Variants in P2RX4 observed in about 807,000 individuals in gnomAD.
P2RX4 encodes P2X purinoceptor 4.
P2RX4 carries 37 observed loss-of-function variants against 48.0 expected under a neutral mutation model. That is an observed-to-expected ratio of 0.77 (90% CI 0.59 to 1.01). The LOEUF (loss-of-function observed/expected upper bound fraction) is 1.01. Ranked by LOEUF, P2RX4 falls within the 50% of genes least tolerant of loss-of-function variation. P2RX4 has a pLI of 0.00. For synonymous variants in P2RX4, 200 were observed against 199.7 expected (o/e 1.00, Z -0.01); for missense variants, 501 against 521.4 (o/e 0.96, Z 0.38).
intron 5 of P2RX4, chr12:121,223,375 CAGA>C (rs757425682): frequency 2.9e-5 from 10 of 346,134 alleles, no homozygotes; most frequent in Middle Eastern, 9.8e-4. Context: ...CACACCCAGC[CAGA>C]AGCCACCACA....
chr12:121,219,484 A>G (rs1353396575), intron 2 of P2RX4, among the ~76,000 whole-genome samples: 1 of 152,064 alleles, frequency 6.6e-6, no homozygotes, highest in Non-Finnish European at 1.5e-5. Context: ...TAGTCCCAGC[A>G]CTTTTGGAGG....
At chr12:121,226,007 G>T (rs954926364) in intron 5 of P2RX4, among the ~76,000 whole-genome samples, 1 of 151,906 alleles carries the variant, frequency 6.6e-6, no homozygotes, top group Non-Finnish European at 1.5e-5. Flanking sequence ...CTCCTGTGTA[G>T]CTGGGACCAC....
At chr12:121,217,315 GAC>G in intron 2 of P2RX4, 34 bp downstream of exon 2, 1 of 1,604,668 alleles carries the variant, frequency 6.2e-7, no homozygotes, top group South Asian at 1.1e-5. Flanking sequence ...GTCTAACACT[GAC>G]ACCTTGCTCT....
At position 121,218,499 on chromosome 12, in the gene P2RX4, T is replaced by G. The variant is rs1006702529; in HGVS notation, c.282+1218T>G. On this transcript the variant is annotated intron_variant, in intron 2 of 11. Coordinates refer to ENST00000337233, the MANE Select transcript of P2RX4 (RefSeq NM_002560.3). ...CTCCGTCTCAAAAAAAAAGATCAAG[T>G]GGAACAGGGGATTTGCAGTTGGCTG... Among the ~76,000 whole-genome samples the G allele has an allele frequency of 3.3e-5, 5 of 151,676 alleles. No individual in the cohort carries two copies. The East Asian group carries it at 7.8e-4, about 24-fold the overall frequency.
intron 1 of P2RX4, among the ~76,000 whole-genome samples, chr12:121,212,486 A>T: frequency 7.1e-6 from 1 of 141,096 alleles, no homozygotes; most frequent in East Asian, 2.1e-4. Context: ...TGCAAAAAAA[A>T]GAATTTTTTT....
chr12:121,212,585 C>T (rs1175772353), intron 1 of P2RX4, among the ~76,000 whole-genome samples: 9 of 146,592 alleles, frequency 6.1e-5, no homozygotes, highest in Non-Finnish European at 1.0e-4. Context: ...GTCAGGAGTT[C>T]GAGACCAGCC....
intron 1 of P2RX4, chr12:121,212,794 ATATATATAT>A: frequency 2.0e-5 from 1 of 50,830 alleles, no homozygotes; most frequent in African/African-American, 8.2e-5. Flanking sequence ...CATCTCAAAT[ATATATATAT>A]ATATATATAT....
At chr12:121,226,361 T>C (rs766185503) in intron 5 of P2RX4, among the ~76,000 whole-genome samples, 16 of 151,770 alleles carry the variant, frequency 1.1e-4, no homozygotes, top group Non-Finnish European at 2.4e-4. Context: ...CTGGCCAACA[T>C]GGTGAAACCC....
chr12:121,226,276 G>A (rs1886970392), intron 5 of P2RX4, among the ~76,000 whole-genome samples: 1 of 152,106 alleles, frequency 6.6e-6, no homozygotes, highest in Non-Finnish European at 1.5e-5. Flanking sequence ...AGGCACAGTG[G>A]CTCATGCCTA....
chr12:121,228,927 G>A (rs1036804619), intron 7 of P2RX4, 36 bp from the exon 8 acceptor site: 2 of 1,614,054 alleles, frequency 1.2e-6, no homozygotes, highest in Non-Finnish European at 1.7e-6. Flanking sequence ...CAGGTGCTGA[G>A]GAAAGCCTTG....
Position 121,212,824 on chromosome 12 carries a change from A to ATATTTTTT in P2RX4, c.134+2527_134+2528insATTTTTTT, listed in dbSNP as rs370835501. 5.9e-4 allele frequency: 19 copies of ATATTTTTT among 32,250 alleles called. 1 individual carries two copies. The highest frequency in any genetic ancestry group is 3.3e-3 in the East Asian group (3 of 912). 2.0% of individuals were successfully genotyped at this position (32,250 alleles called of 1,614,324 possible). ...TATATATATATATATATATATATAT[A>ATATTTTTT]TTTTTTTTTTTTTTTTGGAGACTCA... On this transcript the variant is annotated intron_variant, in intron 1 of 11. Transcript: ENST00000337233.
chr12:121,216,075 CAA>C (rs2136217851), intron 1 of P2RX4: 1 of 152,288 alleles, frequency 6.6e-6, no homozygotes, highest in South Asian at 2.1e-4. Flanking sequence ...CTAACACTAA[CAA>C]TAGCTGATGA....
At position 121,232,523 on chromosome 12, in the gene P2RX4, T is replaced by C. The variant is rs751553892; in HGVS notation, c.978+16T>C. On this transcript the variant is annotated intron_variant, in intron 9 of 11. Transcript: ENST00000337233. The surrounding 1 kb of genome is among the most constrained non-coding windows in gnomAD (Gnocchi z 4.3). Reference sequence around the variant, plus strand: ...GTTTGGGAAGGTAGCTCGCCGCCACTGGCTCCCCTCCGTCACTCCCTGCAG... The same window carrying C: ...GTTTGGGAAGGTAGCTCGCCGCCACCGGCTCCCCTCCGTCACTCCCTGCAG... 6.2e-7 allele frequency: 1 copy of C among 1,611,276 alleles called. No individual in the cohort carries two copies. Among genetic ancestry groups the C allele is most frequent in the Non-Finnish European group, 8.5e-7 (1 of 1,177,374 alleles).
In P2RX4 at chr12:121,217,156, G is replaced by A; in HGVS notation, c.157G>A (p.Gly53Ser). 1.9e-6 allele frequency: 3 copies of A among 1,614,176 alleles called. No individual in the cohort carries two copies. Among genetic ancestry groups the A allele is most frequent in the Non-Finnish European group, 2.5e-6 (3 of 1,180,014 alleles). The part of the protein sequence containing the change: ...VIGWVFVWEK[G>S]YQETDSVVSS... ...TAGGTGGGTGTTTGTGTGGGAAAAG[G>A]GCTACCAGGAAACTGACTCCGTGGT... The change falls in exon 2 of 12, where the codon GGC becomes AGC. Residue 53 changes from glycine to serine, a missense_variant. Gly to Ser is a moderately conservative substitution (Grantham distance 56, BLOSUM62 0). Around this residue, in one of 3 missense-constraint regions of P2RX4, gnomAD observed 295 missense variants for 275.3 expected, o/e 1.07. Transcript: ENST00000337233.
chr12:121,218,087 C>T (rs1487466253), intron 2 of P2RX4, among the ~76,000 whole-genome samples: 1 of 152,154 alleles, frequency 6.6e-6, no homozygotes, highest in African/African-American at 2.4e-5. Context: ...CCAGGGAAAA[C>T]AAGAACTCCA....
intron 4 of P2RX4, chr12:121,222,405 T>TTG (rs63289460): frequency 0.15 from 83,974 of 551,182 alleles, 7,656 homozygotes; most frequent in African/African-American, 0.25. Flanking sequence ...CTTGTTTTTT[T>TTG]TTTTGTTTTG....
chr12:121,212,820 A>ATTTTTTTT lies in P2RX4; in HGVS notation c.134+2523_134+2524insTTTTTTTT, dbSNP rs1268523637. Reference sequence around the variant, plus strand: ...TATATATATATATATATATATATATATATATTTTTTTTTTTTTTTTGGAGA... The same window carrying ATTTTTTTT: ...TATATATATATATATATATATATATATTTTTTTTTATATTTTTTTTTTTTTTTTGGAGA... On this transcript the variant is annotated intron_variant, in intron 1 of 11. Transcript: ENST00000337233. 3.7e-4 allele frequency: 16 copies of ATTTTTTTT among 42,764 alleles called. 1 individual carries two copies. The highest frequency in any genetic ancestry group is 1.4e-3 in the African/African-American group (11 of 8,108). 2.6% of individuals were successfully genotyped at this position (42,764 alleles called of 1,614,324 possible).
intron 2 of P2RX4, 64 bp from the exon 3 acceptor site, chr12:121,221,849 T>G (rs1886631613): frequency 1.4e-6 from 2 of 1,387,496 alleles, no homozygotes; most frequent in Admixed American, 1.7e-5. Context: ...AGTCAGCGTC[T>G]GCCTTTCTTG....
chr12:121,232,849 C>G lies in P2RX4; in HGVS notation c.1045-148C>G, dbSNP rs908535696. ...ACCTTCCCTTCTCCAAGACCACCCC[C>G]CTCAGGTCCCAGCCTTCTCCCAAGA... On this transcript the variant is annotated intron_variant, in intron 10 of 11. Coordinates refer to ENST00000337233, the MANE Select transcript of P2RX4 (RefSeq NM_002560.3). This position sits in a 1 kb window ranked among gnomAD's most constrained non-coding sequence, Gnocchi z 4.3. 2.7e-5 allele frequency: 23 copies of G among 858,848 alleles called. No individual in the cohort carries two copies. Among genetic ancestry groups the G allele is most frequent in the East Asian group, 9.6e-5 (4 of 41,592 alleles). The allele number at this position is 858,848 out of a possible 1,614,324, so 53.2% of individuals were successfully genotyped here. A position where few individuals can be genotyped will look rare whatever the true frequency, so the allele number is the denominator to read the frequency against.
Sources: gnomAD v4.1 joint callset for allele counts (sites outside exome capture counted in the v4.1 genomes callset) on GRCh38, gnomAD v4.1.1 for gene constraint, gnomAD v4.1.1 regional missense constraint, Gnocchi (gnomAD v3.1) non-coding constraint, MANE v1.5 for transcripts, NCBI Gene and HGNC (gene_info 2026-07-23, HGNC 2026-07-21) for gene names.